The following IL1RAP variants were observed in gnomAD, a reference collection of about 807,000 sequenced individuals.
IL1RAP encodes the protein interleukin-1 receptor accessory protein.
A neutral mutation model predicts 60.7 loss-of-function variants in IL1RAP; 35 were observed. The observed-to-expected ratio is 0.58, with a 90% CI of 0.44 to 0.76. IL1RAP has a LOEUF of 0.76. IL1RAP is among the 30% of genes least tolerant of loss of function. The pLI, the probability that IL1RAP is intolerant of heterozygous loss-of-function variation, is 0.00. For missense variants in IL1RAP, 572 were observed against 693.9 expected, an observed-to-expected ratio of 0.82 and a Z score of 1.97; for synonymous variants, 268 against 250.9, an observed-to-expected ratio of 1.07 and a Z score of -0.64.
At chr3:190,582,025 T>C (rs544016613) in intron 3 of IL1RAP, among the ~76,000 whole-genome samples, 1 of 152,178 alleles carries the variant, frequency 6.6e-6, no homozygotes, top group Non-Finnish European at 1.5e-5. Flanking sequence ...GGATAAAAGA[T>C]GTTGAGGCTG....
chr3:190,538,622 G>T (rs542015580), intron 1 of IL1RAP, among the ~76,000 whole-genome samples: 56 of 152,256 alleles, frequency 3.7e-4, no homozygotes, highest in African/African-American at 1.3e-3. Flanking sequence ...ATGTCTTTCA[G>T]ATTGTCTGGT....
intron 9 of IL1RAP, among the ~76,000 whole-genome samples, chr3:190,643,045 G>A (rs566653899): frequency 2.0e-3 from 304 of 152,234 alleles, no homozygotes; most frequent in African/African-American, 6.6e-3. Context: ...GAGATACTAG[G>A]CATTCTAGGG....
chr3:190,648,077 A>G (rs950612506), intron 11 of IL1RAP, among the ~76,000 whole-genome samples: 2 of 152,178 alleles, frequency 1.3e-5, no homozygotes, highest in African/African-American at 4.8e-5. Context: ...TCACAACACT[A>G]TACTACCTTT....
intron 5 of IL1RAP, among the ~76,000 whole-genome samples, chr3:190,614,761 C>A (rs556180668): frequency 6.6e-6 from 1 of 152,184 alleles, no homozygotes; most frequent in African/African-American, 2.4e-5. Context: ...GATTTCAGGC[C>A]AGTTCTGTGT....
At chr3:190,615,392 G>C in intron 5 of IL1RAP, 1 of 879,646 alleles carries the variant, frequency 1.1e-6, no homozygotes. Flanking sequence ...TGTTACTGAT[G>C]AGATTAATTT....
At chr3:190,517,015 T>C (rs1451094806) in intron 1 of IL1RAP, among the ~76,000 whole-genome samples, 2 of 152,232 alleles carry the variant, frequency 1.3e-5, no homozygotes, top group Non-Finnish European at 2.9e-5. Context: ...AACAATTTAC[T>C]TCAGTTATAA....
chr3:190,616,150 G>C (rs1020823070), intron 5 of IL1RAP, among the ~76,000 whole-genome samples: 1 of 152,132 alleles, frequency 6.6e-6, no homozygotes, highest in Non-Finnish European at 1.5e-5. Context: ...AATTCAAATA[G>C]CTATGAAGTC....
chr3:190,586,908 G>A (rs1020459426), intron 3 of IL1RAP, among the ~76,000 whole-genome samples: 4 of 152,178 alleles, frequency 2.6e-5, no homozygotes, highest in African/African-American at 4.8e-5. Context: ...TGTGCCTTCC[G>A]ATGCTGGGAG....
chr3:190,593,261 C>A (rs953855376), intron 3 of IL1RAP, among the ~76,000 whole-genome samples: 1 of 152,120 alleles, frequency 6.6e-6, no homozygotes, highest in South Asian at 2.1e-4. Context: ...GTGATGAACA[C>A]GGGTTTGTAT....
At chr3:190,560,469 C>A (rs1334668597) in intron 2 of IL1RAP, among the ~76,000 whole-genome samples, 2 of 152,214 alleles carry the variant, frequency 1.3e-5, no homozygotes, top group Non-Finnish European at 2.9e-5. Flanking sequence ...CAAGTCTTTA[C>A]AGGGACATAA....
rs141387988 is a variant in IL1RAP, at chr3:190,636,581, G to A, written c.1051+7083G>A. 9.9e-5 allele frequency among the ~76,000 whole-genome samples: 15 copies of A among 151,272 alleles called. No homozygotes were observed. In the East Asian group the frequency reaches 2.1e-3, roughly 22 times the overall value. On this transcript the variant is annotated intron_variant, in intron 9 of 11. Transcript: ENST00000447382. ...TAGAGGGACGGAGTCTTGCTCTGTC[G>A]CCCAGGCTGGAGTGCAGTGGTGCGA...
At chr3:190,655,755 T>TGGCCGCCG, downstream of IL1RAP, 2 of 617,604 alleles carry the variant, frequency 3.2e-6, no homozygotes, top group Non-Finnish European at 2.7e-6. Flanking sequence ...TTTGACTGGG[T>TGGCCGCCG]AAATTATTCA....
intron 1 of IL1RAP, among the ~76,000 whole-genome samples, chr3:190,530,002 T>A (rs6763072): frequency 0.04 from 6,042 of 152,204 alleles, 401 homozygotes; most frequent in African/African-American, 0.14. Context: ...AATAAAGTTC[T>A]CTATGGGCAG....
chr3:190,531,032 C>G (rs1049319661), intron 1 of IL1RAP, among the ~76,000 whole-genome samples: 6 of 152,174 alleles, frequency 3.9e-5, no homozygotes, highest in African/African-American at 1.4e-4. Flanking sequence ...CCATTTCGCT[C>G]TATGCACCAC....
In IL1RAP at chr3:190,595,475, T is replaced by C. The variant is rs182936419; in HGVS notation, c.65-8653T>C. On this transcript the variant is annotated intron_variant, in intron 3 of 11. Transcript: ENST00000447382. ...TTGCTAGCCAACTTAACCAGTTTGC[T>C]CTTACCTTCAGTTCTCTCTTTATCT... Among the ~76,000 whole-genome samples, 8 of 152,294 alleles carry C rather than the reference T, an allele frequency of 5.3e-5. 1 individual carries two copies. Among genetic ancestry groups the C allele is most frequent in the Admixed American group, 3.9e-4 (6 of 15,296 alleles).
exon 12 of IL1RAP, chr3:190,659,501 C>T (rs1319016233): frequency 1.3e-5 from 2 of 152,256 alleles, no homozygotes; most frequent in South Asian, 2.1e-4. Context: ...CAGTACCATA[C>T]ATTTCAATGA....
intron 1 of IL1RAP, among the ~76,000 whole-genome samples, chr3:190,545,882 T>A (rs1391613810): frequency 6.6e-6 from 1 of 152,228 alleles, no homozygotes; most frequent in Non-Finnish European, 1.5e-5. Context: ...TTTTAATGTA[T>A]ACATGTGTGA....
chr3:190,638,464 T>C, intron 9 of IL1RAP, among the ~76,000 whole-genome samples: 1 of 152,182 alleles, frequency 6.6e-6, no homozygotes. Flanking sequence ...TAGTTTGTAT[T>C]TTATTATTGA....
At chr3:190,577,977 G>A (rs76915114) in intron 3 of IL1RAP, among the ~76,000 whole-genome samples, 3,116 of 152,154 alleles carry the variant, frequency 0.02, 88 homozygotes, top group East Asian at 0.15. Flanking sequence ...CAACTGCATC[G>A]GTGTTTCTGC....
Sources: allele counts gnomAD v4.1 joint callset (sites outside exome capture counted in the v4.1 genomes callset), GRCh38; gene constraint gnomAD v4.1.1; transcripts MANE v1.5; gene names NCBI Gene and HGNC (gene_info 2026-07-23, HGNC 2026-07-21).